Variants in ZMIZ1 observed in about 807,000 individuals in gnomAD.
ZMIZ1 encodes the protein zinc finger MIZ domain-containing protein 1.
A neutral mutation model predicts 113.9 loss-of-function variants in ZMIZ1; 17 were observed. The observed-to-expected ratio is 0.15, with a 90% CI of 0.10 to 0.22. The LOEUF is 0.22. Ranked by LOEUF, ZMIZ1 falls within the 10% of genes least tolerant of loss-of-function variation. The probability of loss-of-function intolerance (pLI) is 1.00; values close to 1 mark genes in which losing one functional copy is unlikely to be tolerated. For missense variants in ZMIZ1, 1,059 were observed against 1,477.8 expected (o/e 0.72, Z 4.65); for synonymous variants, 607 against 603.1 (o/e 1.01, Z -0.09).
At chr10:79,103,657 G>C (rs1843448042) in intron 1 of ZMIZ1, among the ~76,000 whole-genome samples, 1 of 152,156 alleles carries the variant, frequency 6.6e-6, no homozygotes, top group South Asian at 2.1e-4. Flanking sequence ...GGAGTGGAGA[G>C]GGGAGCCCTG....
intron 7 of ZMIZ1, among the ~76,000 whole-genome samples, chr10:79,244,374 G>A (rs1409051866): frequency 6.6e-6 from 1 of 152,236 alleles, no homozygotes; most frequent in Non-Finnish European, 1.5e-5. Flanking sequence ...TGGAGAAAGA[G>A]CCCCTTGATA....
intron 4 of ZMIZ1, among the ~76,000 whole-genome samples, chr10:79,187,041 C>T (rs1319678808): frequency 6.6e-6 from 1 of 151,480 alleles, no homozygotes; most frequent in African/African-American, 2.5e-5. Context: ...GGTAGGCACT[C>T]CCAGCAGGTA....
chr10:79,153,956 C>T (rs1845801680), intron 3 of ZMIZ1, among the ~76,000 whole-genome samples: 2 of 152,236 alleles, frequency 1.3e-5, no homozygotes, highest in Non-Finnish European at 1.5e-5. Flanking sequence ...GGGGCTGGCA[C>T]CTGGCCCAGG....
Position 79,118,626 on chromosome 10 carries a change from G to A in ZMIZ1, c.-336-289G>A, listed in dbSNP as rs769972552. 4.6e-5 allele frequency among the ~76,000 whole-genome samples: 7 copies of A among 152,234 alleles called. No homozygotes were observed. Among genetic ancestry groups the A allele is most frequent in the Non-Finnish European group, 8.8e-5 (6 of 68,032 alleles). The stretch of plus-strand genomic sequence containing the variant: ...GCCAGGGGCTCTGGGAGGCCGGGCT[G>A]ACTGGAGCCTAGTGGTGGGCAGGCA... On this transcript the variant is annotated intron_variant, in intron 1 of 24. Transcript: ENST00000334512. The surrounding 1 kb of genome is among the most constrained non-coding windows in gnomAD (Gnocchi z 4.1).
At chr10:79,250,614 A>C (rs1389247925) in intron 7 of ZMIZ1, among the ~76,000 whole-genome samples, 1 of 152,210 alleles carries the variant, frequency 6.6e-6, no homozygotes, top group Non-Finnish European at 1.5e-5. Flanking sequence ...AGTGATTTGC[A>C]CAAGGACTTC....
At chr10:79,091,874 A>AG (rs1250960094) in intron 1 of ZMIZ1, among the ~76,000 whole-genome samples, 2 of 152,214 alleles carry the variant, frequency 1.3e-5, no homozygotes, top group Non-Finnish European at 2.9e-5. Flanking sequence ...AGACTGGGTG[A>AG]GGACAGAGCA....
chr10:79,204,391 C>G (rs1280969508), intron 5 of ZMIZ1, among the ~76,000 whole-genome samples: 1 of 152,210 alleles, frequency 6.6e-6, no homozygotes, highest in African/African-American at 2.4e-5. Context: ...TCTCAGAGAT[C>G]ACTGCCACAT....
intron 7 of ZMIZ1, chr10:79,216,531 C>A: frequency 3.0e-6 from 1 of 332,838 alleles, no homozygotes; most frequent in Non-Finnish European, 5.6e-6. Context: ...CCAAACCCAG[C>A]AGTAGGCACT....
At chr10:79,167,671 T>C (rs2132518669) in intron 4 of ZMIZ1, among the ~76,000 whole-genome samples, 1 of 152,300 alleles carries the variant, frequency 6.6e-6, no homozygotes, top group South Asian at 2.1e-4. Context: ...CTGTACTTCA[T>C]GCCGAAACAG....
intron 7 of ZMIZ1, among the ~76,000 whole-genome samples, chr10:79,240,585 G>C (rs1849779785): frequency 6.8e-6 from 1 of 146,040 alleles, no homozygotes; most frequent in African/African-American, 2.6e-5. Context: ...GTGAATGGAT[G>C]CTTGAAAACA....
chr10:79,298,557 T>G lies in ZMIZ1; in HGVS notation c.1643T>G (p.Met548Arg). The G allele has an allele frequency of 6.2e-7, 1 of 1,601,490 alleles. No individual in the cohort carries two copies. The highest frequency in any genetic ancestry group is 8.5e-7 in the Non-Finnish European group (1 of 1,174,896). Residue 548 changes from methionine (M) to arginine (R), a missense_variant, in exon 15 of 25, where the codon ATG becomes AGG. Physicochemically the swap from Met to Arg is moderately conservative, Grantham distance 91 (BLOSUM62 -1). Around this residue, in one of 6 missense-constraint regions of ZMIZ1, gnomAD observed 239 missense variants for 247.5 expected, o/e 0.97. Transcript: ENST00000334512. The stretch of plus-strand genomic sequence containing the variant: ...TTCCCGCCTGACATCAAGCCAAATA[T>G]GAGCGCTCTGCCACCACCCCCAGGT... ...PPFPPDIKPN[M>R]SALPPPPANH... is the part of the protein sequence containing the mutation.
intron 8 of ZMIZ1, among the ~76,000 whole-genome samples, chr10:79,285,883 CA>C (rs1036656540): frequency 2.0e-5 from 3 of 152,224 alleles, no homozygotes; most frequent in African/African-American, 7.2e-5. Context: ...ATGGCATTTT[CA>C]AGGTGGGATG....
At chr10:79,225,563 C>T (rs1849166125) in intron 7 of ZMIZ1, among the ~76,000 whole-genome samples, 2 of 151,508 alleles carry the variant, frequency 1.3e-5, no homozygotes, top group South Asian at 4.2e-4. Context: ...GACATCTCTA[C>T]AAAAAAATTT....
chr10:79,297,566 A>G (rs928662745), intron 13 of ZMIZ1, 47 bp from the exon 14 acceptor site: 1 of 1,555,910 alleles, frequency 6.4e-7, no homozygotes, highest in Admixed American at 1.7e-5. Flanking sequence ...CGGGCTTCTG[A>G]TGGCTTTTCT....
At position 79,296,620 on chromosome 10, in the gene ZMIZ1, G is replaced by T; in HGVS notation, c.1380G>T (p.Pro460=). 1.3e-6 allele frequency: 2 copies of T among 1,581,532 alleles called. No homozygotes were observed. The highest frequency in any genetic ancestry group is 1.7e-6 in the Non-Finnish European group (2 of 1,163,496). ...MPSQPSSGQY[P]PPTVNMGQYY... ...GCCAGCCGAGCTCCGGGCAGTACCC[G>T]CCCCCCACGGTCAACATGGGGCAGT... The change falls in exon 13 of 25, where the codon CCG becomes CCT. Residue 460 remains proline, a synonymous_variant. Transcript: ENST00000334512. The surrounding 1 kb of genome is among the most constrained non-coding windows in gnomAD (Gnocchi z 4.1).
In ZMIZ1 at chr10:79,261,343, G is replaced by T. The variant is rs12570536; in HGVS notation, c.281-15838G>T. The stretch of plus-strand genomic sequence containing the variant: ...CTACATTCCGTGTTAATTTTTCATG[G>T]CCTCCATCAGAGGCAGAAGGCAGAG... On this transcript the variant is annotated intron_variant, in intron 7 of 24. Coordinates refer to ENST00000334512, the MANE Select transcript of ZMIZ1 (RefSeq NM_020338.4). Among the ~76,000 whole-genome samples the T allele has an allele frequency of 1.0e-3, 159 of 152,310 alleles. 2 individuals carry two copies. The East Asian group carries it at 0.016, about 16-fold the overall frequency.
Position 79,122,893 on chromosome 10 carries a change from C to T in ZMIZ1, c.-227+3869C>T, listed in dbSNP as rs1003764064. 7.2e-4 allele frequency among the ~76,000 whole-genome samples: 110 copies of T among 152,358 alleles called. 1 individual carries two copies. Among genetic ancestry groups the T allele is most frequent in the African/African-American group, 2.5e-3 (105 of 41,578 alleles). Reference sequence around the variant, plus strand: ...GCAGCATTTGGGAAAACTGGCTTTTCCCTTCTGGTAGAAAGCTCCAGCCCC... The same window carrying T: ...GCAGCATTTGGGAAAACTGGCTTTTTCCTTCTGGTAGAAAGCTCCAGCCCC... On this transcript the variant is annotated intron_variant, in intron 2 of 24. Coordinates refer to ENST00000334512, the MANE Select transcript of ZMIZ1 (RefSeq NM_020338.4).
intron 6 of ZMIZ1, among the ~76,000 whole-genome samples, chr10:79,210,254 A>T (rs1343069170): frequency 6.6e-6 from 1 of 152,126 alleles, no homozygotes; most frequent in East Asian, 1.9e-4. Context: ...TCTATCTAGG[A>T]TGTGGGGACT....
intron 1 of ZMIZ1, among the ~76,000 whole-genome samples, chr10:79,070,148 G>A (rs1259847118): frequency 1.5e-5 from 2 of 131,528 alleles, no homozygotes; most frequent in South Asian, 2.5e-4. Flanking sequence ...GCCGGGGTCG[G>A]GGGGGGGAGG....
Sources: gnomAD v4.1 joint callset for allele counts (sites outside exome capture counted in the v4.1 genomes callset) on GRCh38, gnomAD v4.1.1 for gene constraint, gnomAD v4.1.1 regional missense constraint, Gnocchi (gnomAD v3.1) non-coding constraint, MANE v1.5 for transcripts, NCBI Gene and HGNC (gene_info 2026-07-23, HGNC 2026-07-21) for gene names.